TET3: variants seen among roughly 807,000 people sequenced by gnomAD.
TET3 encodes the protein tet methylcytosine dioxygenase 3.
In TET3, 19 loss-of-function variants were observed where a neutral mutation model predicts 141.4. The ratio of observed to expected loss-of-function variants is 0.13; its 90% CI spans 0.09 to 0.20. TET3 has a LOEUF of 0.20. Ranked by LOEUF, TET3 falls within the 10% of genes least tolerant of loss-of-function variation. The pLI is 1.00. For missense variants in TET3, 1,874 were observed against 2,356.9 expected (o/e 0.80, Z 4.24); for synonymous variants, 1,043 against 980.9 (o/e 1.06, Z -1.18).
the TET3 span, among the ~76,000 whole-genome samples, chr2:74,126,907 T>C: frequency 6.6e-6 from 1 of 152,352 alleles, no homozygotes; most frequent in East Asian, 1.9e-4. Flanking sequence ...TATAGAAATC[T>C]GGCCACGTAG....
At chr2:74,024,303 T>C (rs1240741497) in intron 3 of TET3, among the ~76,000 whole-genome samples, 1 of 152,184 alleles carries the variant, frequency 6.6e-6, no homozygotes, top group East Asian at 1.9e-4. Context: ...CTTGTGCAGG[T>C]GTGTTGCTGA....
In TET3 at chr2:74,101,554, G is replaced by C; in HGVS notation, c.4766G>C (p.Ser1589Thr). The C allele has an allele frequency of 6.2e-7, 1 of 1,609,306 alleles. No homozygotes were observed. The highest frequency in any genetic ancestry group is 8.5e-7 in the Non-Finnish European group (1 of 1,177,678). Residue 1589 changes from serine to threonine, a missense_variant, in exon 12 of 12, where the codon AGC becomes ACC. Around this residue, in one of 10 missense-constraint regions of TET3, gnomAD observed 602 missense variants for 590.2 expected, o/e 1.02. Coordinates refer to ENST00000409262, the MANE Select transcript of TET3 (RefSeq NM_001287491.2). The surrounding 1 kb of genome is among the most constrained non-coding windows in gnomAD (Gnocchi z 8.5). Reference protein sequence around the residue: ...WQSFGLPLGSSEKLFGALKSE... With the variant: ...WQSFGLPLGSTEKLFGALKSE... ...TCCTTTGGTCTGCCCCTGGGATCCA[G>C]CGAGAAGCTGTTTGGGGCTCTGAAG...
intron 4 of TET3, among the ~76,000 whole-genome samples, chr2:74,052,794 T>A (rs1688016371): frequency 6.6e-6 from 1 of 152,044 alleles, no homozygotes; most frequent in Non-Finnish European, 1.5e-5. Context: ...CACTTGAACC[T>A]GGGAGGCCGA....
chr2:74,012,075 C>T (rs985981890), intron 3 of TET3, among the ~76,000 whole-genome samples: 1 of 152,214 alleles, frequency 6.6e-6, no homozygotes, highest in African/African-American at 2.4e-5. Context: ...ATCCTCCTGC[C>T]TCAGCCTCCT....
chr2:74,113,080 T>C (rs1691744526), downstream of TET3, among the ~76,000 whole-genome samples: 1 of 149,406 alleles, frequency 6.7e-6, no homozygotes, highest in South Asian at 2.1e-4. Context: ...TGAAAGCTTT[T>C]CCTCTGAGAA....
At chr2:74,002,751 C>T (rs1048961532) in intron 2 of TET3, 2 of 537,100 alleles carry the variant, frequency 3.7e-6, no homozygotes, top group African/African-American at 2.0e-5. Context: ...CTCCCTCCGG[C>T]GGGGATAATG....
rs1687634375 is a variant in TET3 at position 74,046,599 on chromosome 2, A to T, written c.682A>T (p.Met228Leu). 8.1e-6 allele frequency: 13 copies of T among 1,613,902 alleles called. No individual in the cohort carries two copies. The highest frequency in any genetic ancestry group is 1.1e-5 in the Non-Finnish European group (13 of 1,179,898). The change falls in exon 4 of 12, where the codon ATG (methionine) becomes TTG (leucine). Residue 228 changes from methionine (M) to leucine (L), a missense_variant. Met to Leu is a conservative substitution (Grantham distance 15, BLOSUM62 2). Transcript: ENST00000409262. The surrounding 1 kb of genome is among the most constrained non-coding windows in gnomAD (Gnocchi z 4.3). ...GCTCTATGAAACCTTCAACCGTGAG[A>T]TGAGTCGTGAGGCTGGGAACAACAG... ...TRLYETFNRE[M>L]SREAGNNSRG...
chr2:74,071,589 T>C (rs1252347148), intron 4 of TET3, among the ~76,000 whole-genome samples: 6 of 152,248 alleles, frequency 3.9e-5, no homozygotes, highest in Non-Finnish European at 7.3e-5. Context: ...ATATTTAAAA[T>C]GAAGAAATTA....
At chr2:74,063,429 A>G (rs1279744860) in intron 4 of TET3, among the ~76,000 whole-genome samples, 1 of 152,196 alleles carries the variant, frequency 6.6e-6, no homozygotes, top group Non-Finnish European at 1.5e-5. Context: ...TATCATGTCT[A>G]CTGATGATCC....
At position 74,101,172 on chromosome 2, in the gene TET3, G is replaced by A; in HGVS notation, c.4384G>A (p.Gly1462Arg). 1 of 1,613,804 alleles carries A rather than the reference G, an allele frequency of 6.2e-7. No homozygotes were observed. The highest frequency in any genetic ancestry group is 1.1e-5 in the South Asian group (1 of 91,032). Reference sequence around the variant, plus strand: ...TGGCAGCTGGGGTGTGTTCTCGTCTGGGGAGAGTCCTGCCATCGTCCCTGA... The same window carrying A: ...TGGCAGCTGGGGTGTGTTCTCGTCTAGGGAGAGTCCTGCCATCGTCCCTGA... ...VGGSWGVFSS[G>R]ESPAIVPDKL... The change falls in exon 12 of 12, where the codon GGG (glycine) becomes AGG (arginine). Residue 1462 changes from glycine to arginine, a missense_variant. Gly to Arg is a moderately radical substitution (Grantham distance 125, BLOSUM62 -2). Coordinates refer to ENST00000409262, the MANE Select transcript of TET3 (RefSeq NM_001287491.2). This position sits in a 1 kb window ranked among gnomAD's most constrained non-coding sequence, Gnocchi z 8.5.
the TET3 span, among the ~76,000 whole-genome samples, chr2:74,116,578 G>A: frequency 1.3e-4 from 20 of 151,644 alleles, no homozygotes; most frequent in African/African-American, 2.9e-4. Context: ...CCAGCTACTC[G>A]GCAGGCTGAG....
At chr2:74,033,897 A>G (rs1249924488) in intron 3 of TET3, among the ~76,000 whole-genome samples, 1 of 152,112 alleles carries the variant, frequency 6.6e-6, no homozygotes, top group Non-Finnish European at 1.5e-5. Flanking sequence ...GGAATTCGAG[A>G]CCAGCCTGGC....
intron 10 of TET3, among the ~76,000 whole-genome samples, chr2:74,095,831 C>G (rs923339095): frequency 1.3e-5 from 2 of 152,206 alleles, no homozygotes; most frequent in Admixed American, 1.3e-4. Context: ...TGTGCAGTGG[C>G]GCAGTAACCT....
intron 3 of TET3, among the ~76,000 whole-genome samples, chr2:74,025,729 C>G (rs1227514346): frequency 1.3e-5 from 2 of 152,178 alleles, no homozygotes; most frequent in East Asian, 1.9e-4. Flanking sequence ...AGATCACATG[C>G]TGTGTCCAGT....
At chr2:74,063,935 G>A (rs1242504861) in intron 4 of TET3, among the ~76,000 whole-genome samples, 1 of 151,258 alleles carries the variant, frequency 6.6e-6, no homozygotes, top group Non-Finnish European at 1.5e-5. Flanking sequence ...CTGAAAGAAG[G>A]GTAGATCTTA....
At chr2:74,096,953 C>T (rs182369875) in intron 10 of TET3, among the ~76,000 whole-genome samples, 10 of 151,652 alleles carry the variant, frequency 6.6e-5, no homozygotes, top group South Asian at 4.2e-4. Context: ...ATTTGCTGGG[C>T]GTGGTTGTGC....
the TET3 span, among the ~76,000 whole-genome samples, chr2:74,126,948 C>T: frequency 5.9e-5 from 9 of 152,144 alleles, no homozygotes; most frequent in Non-Finnish European, 1.0e-4. Context: ...GGCACTGAAG[C>T]CAGAAGATGG....
Position 74,046,700 on chromosome 2 carries a change from C to T in TET3, c.783C>T (p.Ala261=), listed in dbSNP as rs762946745. ...TTGACACACTGCAGACGGCCCTGGC[C>T]CTCGCGCGGCATGGTATGAAACCAC... ...EDLDTLQTAL[A]LARHGMKPPN... Residue 261 remains alanine (A), a synonymous_variant, in exon 4 of 12, where the codon GCC becomes GCT. Coordinates refer to ENST00000409262, the MANE Select transcript of TET3 (RefSeq NM_001287491.2). This position sits in a 1 kb window ranked among gnomAD's most constrained non-coding sequence, Gnocchi z 4.3. 2 of 1,613,998 alleles carry T rather than the reference C, an allele frequency of 1.2e-6. No homozygotes were observed. The highest frequency in any genetic ancestry group is 1.1e-5 in the South Asian group (1 of 91,090).
intron 3 of TET3, among the ~76,000 whole-genome samples, chr2:74,003,758 GT>G (rs1685001270): frequency 6.6e-6 from 1 of 151,432 alleles, no homozygotes; most frequent in Non-Finnish European, 1.5e-5. Flanking sequence ...CTGTTACTCT[GT>G]GTGACTTGGT....
Sources: allele counts gnomAD v4.1 joint callset (sites outside exome capture counted in the v4.1 genomes callset), GRCh38; gene constraint gnomAD v4.1.1; regional missense constraint gnomAD v4.1.1; non-coding constraint Gnocchi (gnomAD v3.1); transcripts MANE v1.5; gene names NCBI Gene and HGNC (gene_info 2026-07-23, HGNC 2026-07-21).